Variants in ATP6V1E2 observed in about 807,000 individuals in gnomAD.
ATP6V1E2 encodes the protein ATPase H+ transporting V1 subunit E2.
For missense variants in ATP6V1E2, 308 were observed against 273.3 expected, an observed-to-expected ratio of 1.13 and a Z score of -0.90; for synonymous variants, 121 against 104.2, an observed-to-expected ratio of 1.16 and a Z score of -0.98.
chr2:46,527,985 G>A, intron 4 of ATP6V1E2: 1 of 152,194 alleles, frequency 6.6e-6, no homozygotes, highest in East Asian at 1.9e-4. Flanking sequence ...GACCTGCATT[G>A]GGTGTCTCCA....
intron 4 of ATP6V1E2, chr2:46,534,538 AT>A (rs1201024079): frequency 6.7e-6 from 1 of 150,060 alleles, no homozygotes; most frequent in African/African-American, 2.5e-5. Flanking sequence ...TTTTCTCCTG[AT>A]TTTGGGTTCT....
chr2:46,515,845 T>G (rs182258779), intron 4 of ATP6V1E2, among the ~76,000 whole-genome samples: 1 of 152,204 alleles, frequency 6.6e-6, no homozygotes, highest in Admixed American at 6.5e-5. Context: ...AAAAATATAT[T>G]CCATGCAAAA....
rs770027606 is a variant in ATP6V1E2 at position 46,512,225 on chromosome 2, CAT to C, written c.485_486del (p.His162ArgfsTer6). The C allele has an allele frequency of 5.0e-6, 8 of 1,613,992 alleles. No homozygotes were observed. The highest frequency in any genetic ancestry group is 1.3e-5 in the African/African-American group (1 of 74,916). On this transcript the variant is annotated frameshift_variant, in exon 5 of 5. Transcript: ENST00000522587. LOFTEE classifies it low-confidence loss of function (END_TRUNC). ...GCCTCTTTATCAATCTGGACCTCCA[CAT>C]GTTTCTGGGAAATTGTCATGTACTC... is the stretch of plus-strand genomic sequence containing the variant. ...IPEYMTISQK[H>X]VEVQIDKEAY... is the part of the protein sequence containing the mutation.
At chr2:46,525,192 C>A (rs1390598042) in intron 4 of ATP6V1E2, among the ~76,000 whole-genome samples, 2 of 152,100 alleles carry the variant, frequency 1.3e-5, no homozygotes, top group Non-Finnish European at 2.9e-5. Context: ...CAGGGACAGG[C>A]GGCCGGGCGC....
intron 3 of ATP6V1E2, 96 bp from the exon 4 acceptor site, chr2:46,536,023 C>T (rs1558670192): frequency 6.6e-6 from 1 of 152,214 alleles, no homozygotes; most frequent in Non-Finnish European, 1.5e-5. Context: ...ACTCCTAAAT[C>T]ATATGAGTAT....
rs187075375 is a variant in ATP6V1E2 at position 46,515,248 on chromosome 2, T to C, written c.-101-2436A>G. ...GAATACTGTAATACTGTAATGGTGA[T>C]ATGTAAATCACTTTTAATTCTGGTA... is the stretch of plus-strand genomic sequence containing the variant. On this transcript the variant is annotated intron_variant, in intron 4 of 4. Transcript: ENST00000522587. Among the ~76,000 whole-genome samples the C allele has an allele frequency of 5.4e-4, 83 of 152,330 alleles. 2 individuals carry two copies. The East Asian group carries it at 0.014, about 27-fold the overall frequency.
At chr2:46,527,895 TTGAG>T (rs935580283) in intron 4 of ATP6V1E2, 1 of 152,232 alleles carries the variant, frequency 6.6e-6, no homozygotes, top group Admixed American at 6.5e-5. Flanking sequence ...TTTGTTGTTG[TTGAG>T]TTATAGAGGT....
At chr2:46,531,221 C>T (rs1219571874) in intron 4 of ATP6V1E2, among the ~76,000 whole-genome samples, 1 of 152,240 alleles carries the variant, frequency 6.6e-6, no homozygotes, top group Non-Finnish European at 1.5e-5. Context: ...CAACCACCAA[C>T]TTACATTCTG....
intron 2 of ATP6V1E2, among the ~76,000 whole-genome samples, chr2:46,539,920 C>T (rs756407142): frequency 8.5e-5 from 13 of 152,246 alleles, no homozygotes; most frequent in Non-Finnish European, 1.8e-4. Context: ...GCACTGCTCA[C>T]ACTATAGAGT....
intron 4 of ATP6V1E2, among the ~76,000 whole-genome samples, chr2:46,525,362 T>C (rs1666851929): frequency 6.7e-6 from 1 of 148,496 alleles, no homozygotes; most frequent in Non-Finnish European, 1.5e-5. Flanking sequence ...CTCGGGAGGC[T>C]GAGGCAGGAG....
rs1687473696 is a variant in ATP6V1E2, at chr2:46,511,923, A to T, written c.*108T>A. The T allele has an allele frequency of 5.0e-6, 5 of 994,038 alleles. No homozygotes were observed. Among genetic ancestry groups the T allele is most frequent in the Non-Finnish European group, 5.8e-6 (4 of 690,828 alleles). 61.6% of individuals were successfully genotyped at this position (994,038 alleles called of 1,614,324 possible). ...AAGGGTATTTCGTGAAGAAAAACAG[A>T]ACAGTATCAGAGCATCAAAGAGGAG... On this transcript the variant is annotated 3_prime_UTR_variant, in exon 5 of 5. Coordinates refer to ENST00000522587, the MANE Select transcript of ATP6V1E2 (RefSeq NM_001318063.2).
Position 46,530,054 on chromosome 2 carries a change from T to C in ATP6V1E2, c.-102+5759A>G, listed in dbSNP as rs1272977608. Among the ~76,000 whole-genome samples, 15 of 152,146 alleles carry C rather than the reference T, an allele frequency of 9.9e-5. No individual in the cohort carries two copies. The highest frequency in any genetic ancestry group is 9.8e-4 in the Admixed American group (15 of 15,276). ...TTGTTGCAAAGGGGGTTGAAGGATA[T>C]CCCTGACTGTAAGGCATCTGCTGGA... On this transcript the variant is annotated intron_variant, in intron 4 of 4. Coordinates refer to ENST00000522587, the MANE Select transcript of ATP6V1E2 (RefSeq NM_001318063.2). The surrounding 1 kb of genome is among the most constrained non-coding windows in gnomAD (Gnocchi z 5.2).
rs574498339 is a variant in ATP6V1E2, at chr2:46,526,172, G to C, written c.-102+9641C>G. On this transcript the variant is annotated intron_variant, in intron 4 of 4. Transcript: ENST00000522587. ...CTCTTGTTGCCCAGGCTGGAGTGCG[G>C]TGGTGTGATCTCGGCTCACTACAAC... 1.3e-3 allele frequency among the ~76,000 whole-genome samples: 197 copies of C among 152,284 alleles called. 5 individuals are homozygous for C. The South Asian group carries it at 0.039, about 30-fold the overall frequency.
At chr2:46,538,819 T>C (rs1188721576) in intron 2 of ATP6V1E2, among the ~76,000 whole-genome samples, 1 of 152,176 alleles carries the variant, frequency 6.6e-6, no homozygotes, top group East Asian at 1.9e-4. Context: ...TTCAAAATTC[T>C]CAGGCAAGGC....
intron 2 of ATP6V1E2, among the ~76,000 whole-genome samples, chr2:46,538,796 T>A (rs1667575051): frequency 6.6e-6 from 1 of 152,188 alleles, no homozygotes; most frequent in South Asian, 2.1e-4. Flanking sequence ...AAACTCCTGC[T>A]GTGAATCCCA....
chr2:46,532,953 C>A (rs1667251452), intron 4 of ATP6V1E2, among the ~76,000 whole-genome samples: 3 of 152,028 alleles, frequency 2.0e-5, no homozygotes, highest in African/African-American at 7.2e-5. Context: ...AGTTCTATTT[C>A]TGTTTTTCTA....
chr2:46,540,575 T>C (rs1377080372), intron 2 of ATP6V1E2, among the ~76,000 whole-genome samples: 1 of 147,694 alleles, frequency 6.8e-6, no homozygotes, highest in Non-Finnish European at 1.5e-5. Flanking sequence ...AAGTGCTTTC[T>C]ATCTCCAATC....
chr2:46,535,389 G>A lies in ATP6V1E2; in HGVS notation c.-102+424C>T, dbSNP rs369273377. 6.6e-6 allele frequency: 1 copy of A among 152,196 alleles called. No homozygotes were observed. The highest frequency in any genetic ancestry group is 2.1e-4 in the South Asian group (1 of 4,832). The allele number at this position is 152,196 out of a possible 1,614,324, so 9.4% of individuals were successfully genotyped here. A position where few individuals can be genotyped will look rare whatever the true frequency, so the allele number is the denominator to read the frequency against. ...GGGTTGCAAGCAACAGAAGCTGTTT[G>A]TGGCTGATTAAACAGAAAGAAATCT... On this transcript the variant is annotated intron_variant, in intron 4 of 4. Coordinates refer to ENST00000522587, the MANE Select transcript of ATP6V1E2 (RefSeq NM_001318063.2). This position sits in a 1 kb window ranked among gnomAD's most constrained non-coding sequence, Gnocchi z 4.4.
In ATP6V1E2 at chr2:46,511,948, G is replaced by A; in HGVS notation, c.*83C>T. 8.0e-7 allele frequency: 1 copy of A among 1,249,036 alleles called. No individual in the cohort carries two copies. The highest frequency in any genetic ancestry group is 1.1e-6 in the Non-Finnish European group (1 of 901,766). 77.4% of individuals were successfully genotyped at this position (1,249,036 alleles called of 1,614,324 possible). On this transcript the variant is annotated 3_prime_UTR_variant, in exon 5 of 5. Transcript: ENST00000522587. Reference sequence around the variant, plus strand: ...AACAGTATCAGAGCATCAAAGAGGAGGAAACACTACTAGTTTCCTTTCCCC... The same window carrying A: ...AACAGTATCAGAGCATCAAAGAGGAAGAAACACTACTAGTTTCCTTTCCCC...
Sources: gnomAD v4.1 joint callset for allele counts (sites outside exome capture counted in the v4.1 genomes callset) on GRCh38, gnomAD v4.1.1 for gene constraint, Gnocchi (gnomAD v3.1) non-coding constraint, MANE v1.5 for transcripts, NCBI Gene and HGNC (gene_info 2026-07-23, HGNC 2026-07-21) for gene names.